The following SLC12A6 variants were observed in gnomAD, a reference collection of about 807,000 sequenced individuals.
The protein encoded by SLC12A6 is solute carrier family 12 member 6, also known as K-Cl cotransporter 3.
Under a neutral mutation model 135.3 loss-of-function variants are expected in SLC12A6, and 66 were observed. The observed-to-expected ratio is 0.49, with a 90% CI of 0.40 to 0.60. The LOEUF (loss-of-function observed/expected upper bound fraction) is 0.60. SLC12A6 is among the 20% of genes least tolerant of loss of function. SLC12A6 has a pLI of 0.00. For missense variants in SLC12A6, 1,058 were observed against 1,452.3 expected (o/e 0.73, Z 4.41); for synonymous variants, 513 against 508.8 (o/e 1.01, Z -0.11).
At position 34,336,406 on chromosome 15, in the gene SLC12A6, T is replaced by C. The variant is rs1316976288; in HGVS notation, c.271+4A>G. On this transcript the variant is annotated splice_donor_region_variant and intron_variant, in intron 2 of 25. Transcript: ENST00000354181. Reference sequence around the variant, plus strand: ...AGTATGCTGCGGTCTGTGTTTCTACTTACCCTCGATGACATCCTGGGGGTG... The same window carrying C: ...AGTATGCTGCGGTCTGTGTTTCTACCTACCCTCGATGACATCCTGGGGGTG... The C allele has an allele frequency of 3.7e-6, 6 of 1,612,088 alleles. No homozygotes were observed. In the Admixed American group the frequency reaches 6.7e-5, roughly 18 times the overall value.
intron 3 of SLC12A6, among the ~76,000 whole-genome samples, chr15:34,273,074 G>A (rs1011187363): frequency 6.6e-6 from 1 of 152,298 alleles, no homozygotes; most frequent in African/African-American, 2.4e-5. Context: ...AAAGTGGCCG[G>A]GAGTGGTGGC....
chr15:34,337,690 A>G lies in SLC12A6; in HGVS notation c.-431T>C, dbSNP rs1027509954. 2.0e-5 allele frequency: 3 copies of G among 151,830 alleles called. No individual in the cohort carries two copies. The highest frequency in any genetic ancestry group is 7.3e-5 in the African/African-American group (3 of 41,330). The allele number at this position is 151,830 out of a possible 1,614,324, so 9.4% of individuals were successfully genotyped here. On this transcript the variant is annotated 5_prime_UTR_variant, in exon 1 of 26. Coordinates refer to ENST00000354181, the MANE Select transcript of SLC12A6 (RefSeq NM_001365088.1). ...GCCACGCAGGCTGGCCTGACTGGGC[A>G]GCAGGGTGAGGGAGAAGGAGGTCGC...
chr15:34,258,414 T>A (rs1234271879), intron 5 of SLC12A6, among the ~76,000 whole-genome samples: 1 of 152,176 alleles, frequency 6.6e-6, no homozygotes, highest in African/African-American at 2.4e-5. Flanking sequence ...TTTTCCCACA[T>A]AGCTCACTCC....
At chr15:34,259,984 A>G (rs547708183) in intron 4 of SLC12A6, among the ~76,000 whole-genome samples, 14 of 152,334 alleles carry the variant, frequency 9.2e-5, no homozygotes, top group African/African-American at 2.9e-4. Flanking sequence ...AGTTTCAGTT[A>G]GGCAGGAGAA....
intron 2 of SLC12A6, among the ~76,000 whole-genome samples, chr15:34,309,526 G>A (rs1031712719): frequency 2.6e-5 from 4 of 152,102 alleles, no homozygotes; most frequent in African/African-American, 9.7e-5. Flanking sequence ...TTGGAAGTGA[G>A]AGATTCTAAA....
rs1261143842 is a variant in SLC12A6, at chr15:34,240,786, C to T, written c.2311G>A (p.Val771Ile). The T allele has an allele frequency of 1.2e-6, 2 of 1,614,052 alleles. No individual in the cohort carries two copies. Among genetic ancestry groups the T allele is most frequent in the Non-Finnish European group, 1.7e-6 (2 of 1,179,968 alleles). The change falls in exon 19 of 26, where the codon GTC becomes ATC. Residue 771 changes from valine (V) to isoleucine (I), a missense_variant. Val to Ile is a conservative substitution (Grantham distance 29). This residue lies in a region of SLC12A6 where 170 missense variants were observed against 297.6 expected (regional missense o/e 0.57). Coordinates refer to ENST00000354181, the MANE Select transcript of SLC12A6 (RefSeq NM_001365088.1). The stretch of plus-strand genomic sequence containing the variant: ...AAGGTGAGGAGGCGAGGATGCTTGA[C>T]ATGTAAGTCTTCATCTAGTTTCAGT... ...VLLKLDEDLH[V>I]KHPRLLTFAS...
intron 2 of SLC12A6, among the ~76,000 whole-genome samples, chr15:34,301,353 A>G (rs1274789732): frequency 6.6e-6 from 1 of 152,202 alleles, no homozygotes; most frequent in Non-Finnish European, 1.5e-5. Flanking sequence ...AAACAAAGAA[A>G]CAAAGTCCTC....
intron 6 of SLC12A6, among the ~76,000 whole-genome samples, chr15:34,257,202 G>C (rs1892813199): frequency 6.6e-6 from 1 of 152,098 alleles, no homozygotes; most frequent in Admixed American, 6.6e-5. Flanking sequence ...AAATTTCTAA[G>C]GAAGGGATAA....
intron 21 of SLC12A6, 141 bp from the exon 22 acceptor site, chr15:34,237,691 T>C (rs1050661830): frequency 1.5e-6 from 1 of 687,786 alleles, no homozygotes; most frequent in Non-Finnish European, 2.6e-6. Context: ...CTACTTGCTA[T>C]GTTATTGTAT....
intron 3 of SLC12A6, among the ~76,000 whole-genome samples, chr15:34,266,308 A>G (rs2140827795): frequency 6.6e-6 from 1 of 152,292 alleles, no homozygotes; most frequent in Middle Eastern, 3.4e-3. Context: ...TTTATGAGAA[A>G]CATTTTATTA....
intron 9 of SLC12A6, 109 bp from the exon 10 acceptor site, chr15:34,252,493 A>G: frequency 1.4e-6 from 1 of 702,012 alleles, no homozygotes; most frequent in Non-Finnish European, 2.6e-6. Context: ...AAGAGCTTCT[A>G]CTGTTATGGG....
intron 2 of SLC12A6, among the ~76,000 whole-genome samples, chr15:34,298,912 C>T (rs1410955267): frequency 6.6e-6 from 1 of 152,188 alleles, no homozygotes; most frequent in Non-Finnish European, 1.5e-5. Flanking sequence ...CCTACATTTT[C>T]CTCCATACTA....
rs143732728 is a variant in SLC12A6 at position 34,293,787 on chromosome 15, A to C, written c.272-18398T>G. Among the ~76,000 whole-genome samples, 7 of 151,668 alleles carry C rather than the reference A, an allele frequency of 4.6e-5. No homozygotes were observed. The East Asian group carries it at 1.4e-3, about 30-fold the overall frequency. Reference sequence around the variant, plus strand: ...GCTAATTAAAAAAATGTTTTTTTGTAGAGACAAGGTCTCCCTATGTTGCCC... The same window carrying C: ...GCTAATTAAAAAAATGTTTTTTTGTCGAGACAAGGTCTCCCTATGTTGCCC... On this transcript the variant is annotated intron_variant, in intron 2 of 25. Coordinates refer to ENST00000354181, the MANE Select transcript of SLC12A6 (RefSeq NM_001365088.1).
Position 34,252,400 on chromosome 15 carries a change from T to C in SLC12A6, c.1119-16A>G, listed in dbSNP as rs746578686. ...CATGCAGACCCTAAGTGAAAAGAAA[T>C]AGGGAGAAAGATCAAGTAAGGAAAA... On this transcript the variant is annotated splice_polypyrimidine_tract_variant and intron_variant, in intron 9 of 25. Coordinates refer to ENST00000354181, the MANE Select transcript of SLC12A6 (RefSeq NM_001365088.1). 54 of 1,479,320 alleles carry C rather than the reference T, an allele frequency of 3.7e-5. No homozygotes were observed. The highest frequency in any genetic ancestry group is 3.4e-4 in the Middle Eastern group (2 of 5,832). The allele number at this position is 1,479,320 out of a possible 1,614,324, so 91.6% of individuals were successfully genotyped here.
At chr15:34,285,377 G>A (rs1020134937) in intron 2 of SLC12A6, among the ~76,000 whole-genome samples, 3 of 152,116 alleles carry the variant, frequency 2.0e-5, no homozygotes, top group Non-Finnish European at 2.9e-5. Context: ...TTGGCTACAG[G>A]GTGGGAGAGA....
chr15:34,322,109 G>A (rs1889131582), intron 2 of SLC12A6, among the ~76,000 whole-genome samples: 2 of 151,912 alleles, frequency 1.3e-5, no homozygotes, highest in Admixed American at 1.3e-4. Flanking sequence ...GCCTTTGCCG[G>A]GCGTGGTGGC....
Position 34,238,336 on chromosome 15 carries a change from G to A in SLC12A6, c.2698C>T (p.Pro900Ser). ...LLVAKNISFF[P>S]SNVEQFSEGN... ...TCAGAAAATTGCTCCACATTGCTGG[G>A]AAAGAAGGAGATGTTTTTAGCCACC... Residue 900 changes from proline to serine, a missense_variant, in exon 21 of 26, where the codon CCC becomes TCC. Transcript: ENST00000354181. 1 of 1,613,768 alleles carries A rather than the reference G, an allele frequency of 6.2e-7. No homozygotes were observed.
chr15:34,280,502 T>G (rs2140911824), intron 2 of SLC12A6, among the ~76,000 whole-genome samples: 1 of 152,026 alleles, frequency 6.6e-6, no homozygotes, highest in South Asian at 2.1e-4. Flanking sequence ...AACCAAAGCG[T>G]CATCATCATC....
chr15:34,313,333 T>C (rs1477523535), intron 2 of SLC12A6, among the ~76,000 whole-genome samples: 1 of 152,234 alleles, frequency 6.6e-6, no homozygotes, highest in Non-Finnish European at 1.5e-5. Flanking sequence ...AAGAAGGTTT[T>C]AGTGATCTGG....
Sources: allele counts gnomAD v4.1 joint callset (sites outside exome capture counted in the v4.1 genomes callset), GRCh38; gene constraint gnomAD v4.1.1; regional missense constraint gnomAD v4.1.1; transcripts MANE v1.5; gene names NCBI Gene and HGNC (gene_info 2026-07-23, HGNC 2026-07-21).